TEX44: variants seen among roughly 807,000 people sequenced by gnomAD.
The protein encoded by TEX44 is testis expressed 44.
For synonymous variants in TEX44, 196 were observed against 205.9 expected (o/e 0.95, Z 0.41); for missense variants, 487 against 509.6 (o/e 0.96, Z 0.43).
Position 231,593,266 on chromosome 2 carries a change from T to C in TEX44, c.315T>C (p.Asn105=). The change falls in exon 1 of 1, where the codon AAT becomes AAC. Residue 105 remains asparagine (N), a synonymous_variant. Transcript: ENST00000313965. ...SPLQVSMSLQ[N]PAWDRQVQDA... ...TGCAAGTGTCTATGAGCCTTCAGAATCCAGCGTGGGACAGGCAGGTTCAAG... is the reference window on the plus strand; with the variant it reads ...TGCAAGTGTCTATGAGCCTTCAGAACCCAGCGTGGGACAGGCAGGTTCAAG... The C allele has an allele frequency of 6.2e-7, 1 of 1,614,150 alleles. No homozygotes were observed. Among genetic ancestry groups the C allele is most frequent in the Non-Finnish European group, 8.5e-7 (1 of 1,180,020 alleles).
chr2:231,593,990 G>C lies in TEX44; in HGVS notation c.1039G>C (p.Val347Leu), dbSNP rs372291265. The C allele has an allele frequency of 1.9e-6, 3 of 1,610,732 alleles. No homozygotes were observed. Among genetic ancestry groups the C allele is most frequent in the Non-Finnish European group, 2.5e-6 (3 of 1,179,988 alleles). Residue 347 changes from valine (V) to leucine (L), a missense_variant, in exon 1 of 1, where the codon GTG (valine) becomes CTG (leucine). Physicochemically the swap from Val to Leu is conservative, Grantham distance 32. Coordinates refer to ENST00000313965, the MANE Select transcript of TEX44 (RefSeq NM_152614.3). ...SVSSAFSSGL[V>L]SGTSSALRTI... The stretch of plus-strand genomic sequence containing the variant: ...CAGCTCGGCCTTCTCCTCTGGGCTG[G>C]TGTCAGGGACCAGCTCAGCCCTGCG...
At position 231,593,042 on chromosome 2, in the gene TEX44, ACAG is replaced by A; in HGVS notation, c.95_97del (p.Ala32del). 1 of 1,614,120 alleles carries A rather than the reference ACAG, an allele frequency of 6.2e-7. No homozygotes were observed. Among genetic ancestry groups the A allele is most frequent in the African/African-American group, 1.3e-5 (1 of 75,034 alleles). ...AGAGCCCCAAGGTCAGGTCCCACTC[ACAG>A]CAGATGTCTTGGCAGTGAGCAGCTC... On this transcript the variant is annotated inframe_deletion, in exon 1 of 1. Coordinates refer to ENST00000313965, the MANE Select transcript of TEX44 (RefSeq NM_152614.3).
rs776998727 is a variant in TEX44 at position 231,593,607 on chromosome 2, T to C, written c.656T>C (p.Met219Thr). The stretch of plus-strand genomic sequence containing the variant: ...CCATCTGATGAGTCCCCAGTGGCAA[T>C]GGGGGCAAATGTGGTGGACAGCTTA... ...ALPSDESPVA[M>T]GANVVDSLGD... is the part of the protein sequence containing the mutation. Residue 219 changes from methionine to threonine, a missense_variant, in exon 1 of 1, where the codon ATG (methionine) becomes ACG (threonine). Physicochemically the swap from Met to Thr is moderately conservative, Grantham distance 81 (BLOSUM62 -1). Coordinates refer to ENST00000313965, the MANE Select transcript of TEX44 (RefSeq NM_152614.3). 7 of 1,613,734 alleles carry C rather than the reference T, an allele frequency of 4.3e-6. No homozygotes were observed. Among genetic ancestry groups the C allele is most frequent in the Non-Finnish European group, 5.9e-6 (7 of 1,180,012 alleles).
chr2:231,593,135 A>G lies in TEX44; in HGVS notation c.184A>G (p.Ile62Val). The G allele has an allele frequency of 2.5e-6, 4 of 1,614,152 alleles. No individual in the cohort carries two copies. Among genetic ancestry groups the G allele is most frequent in the Non-Finnish European group, 2.5e-6 (3 of 1,180,024 alleles). Reference sequence around the variant, plus strand: ...CTTCAAGACGGCCACCCCCAGGGCCATATCAACATCTGGAGACAAAGACAA... The same window carrying G: ...CTTCAAGACGGCCACCCCCAGGGCCGTATCAACATCTGGAGACAAAGACAA... ...ASFKTATPRA[I>V]STSGDKDKSA... The change falls in exon 1 of 1, where the codon ATA (isoleucine) becomes GTA (valine). Residue 62 changes from isoleucine to valine, a missense_variant. Ile to Val is a conservative substitution (Grantham distance 29, BLOSUM62 3). Transcript: ENST00000313965.
Position 231,593,666 on chromosome 2 carries a change from C to G in TEX44, c.715C>G (p.Pro239Ala). 1.2e-6 allele frequency: 2 copies of G among 1,613,302 alleles called. No homozygotes were observed. Among genetic ancestry groups the G allele is most frequent in the Non-Finnish European group, 1.7e-6 (2 of 1,180,026 alleles). ...DLQTWFFPPP[P>A]AGSVSPSPGP... Reference sequence around the variant, plus strand: ...GCAGACTTGGTTCTTCCCTCCACCTCCAGCAGGCAGTGTGTCCCCGTCGCC... The same window carrying G: ...GCAGACTTGGTTCTTCCCTCCACCTGCAGCAGGCAGTGTGTCCCCGTCGCC... Residue 239 changes from proline to alanine, a missense_variant, in exon 1 of 1, where the codon CCA becomes GCA. Physicochemically the swap from Pro to Ala is conservative, Grantham distance 27 (BLOSUM62 -1). Coordinates refer to ENST00000313965, the MANE Select transcript of TEX44 (RefSeq NM_152614.3).
chr2:231,592,989 A>C lies in TEX44; in HGVS notation c.38A>C (p.Asp13Ala), dbSNP rs746522297. The C allele has an allele frequency of 1.9e-6, 3 of 1,614,058 alleles. No homozygotes were observed. Among genetic ancestry groups the C allele is most frequent in the Non-Finnish European group, 2.5e-6 (3 of 1,179,994 alleles). ...GGGTACCCCCTGGGCAACGTGGATG[A>C]CAGCAGGTCTAAGGACAGCCCAGCA... Reference protein sequence around the residue: ...LPGYPLGNVDDSRSKDSPAGE... With the variant: ...LPGYPLGNVDASRSKDSPAGE... Residue 13 changes from aspartate (D) to alanine (A), a missense_variant, in exon 1 of 1, where the codon GAC (aspartate) becomes GCC (alanine). Transcript: ENST00000313965.
rs2047778084 is a variant in TEX44, at chr2:231,593,660, C to T, written c.709C>T (p.Pro237Ser). The part of the protein sequence containing the change: ...LGDLQTWFFP[P>S]PPAGSVSPSP... The stretch of plus-strand genomic sequence containing the variant: ...AGACCTGCAGACTTGGTTCTTCCCT[C>T]CACCTCCAGCAGGCAGTGTGTCCCC... Residue 237 changes from proline to serine, a missense_variant, in exon 1 of 1, where the codon CCA (proline) becomes TCA (serine). Coordinates refer to ENST00000313965, the MANE Select transcript of TEX44 (RefSeq NM_152614.3). 1 of 1,613,306 alleles carries T rather than the reference C, an allele frequency of 6.2e-7. No homozygotes were observed. The highest frequency in any genetic ancestry group is 8.5e-7 in the Non-Finnish European group (1 of 1,180,032).
chr2:231,593,739 T>A lies in TEX44; in HGVS notation c.788T>A (p.Leu263Gln). 1 of 1,611,164 alleles carries A rather than the reference T, an allele frequency of 6.2e-7. No homozygotes were observed. The highest frequency in any genetic ancestry group is 1.7e-5 in the Admixed American group (1 of 60,028). ...GGGAGAAGGCCCCTGGACTCCAGCC[T>A]GTACACGGCCAGTGAGGAGAACAGC... ...ALGRRPLDSS[L>Q]YTASEENSYM... Residue 263 changes from leucine to glutamine, a missense_variant, in exon 1 of 1, where the codon CTG becomes CAG. Transcript: ENST00000313965.
At position 231,593,148 on chromosome 2, in the gene TEX44, G is replaced by A; in HGVS notation, c.197G>A (p.Gly66Glu). Residue 66 changes from glycine to glutamate, a missense_variant, in exon 1 of 1, where the codon GGA becomes GAA. Physicochemically the swap from Gly to Glu is moderately conservative, Grantham distance 98. Coordinates refer to ENST00000313965, the MANE Select transcript of TEX44 (RefSeq NM_152614.3). The stretch of plus-strand genomic sequence containing the variant: ...ACCCCCAGGGCCATATCAACATCTG[G>A]AGACAAAGACAAGAGTGCAGTTGTT... ...TATPRAISTS[G>E]DKDKSAVVPE... The A allele has an allele frequency of 6.2e-7, 1 of 1,614,122 alleles. No homozygotes were observed. Among genetic ancestry groups the A allele is most frequent in the Non-Finnish European group, 8.5e-7 (1 of 1,180,018 alleles).
Position 231,593,094 on chromosome 2 carries a change from A to G in TEX44, c.143A>G (p.Asp48Gly), listed in dbSNP as rs764554699. 27 of 1,614,042 alleles carry G rather than the reference A, an allele frequency of 1.7e-5. No individual in the cohort carries two copies. The South Asian group carries it at 2.3e-4, about 14-fold the overall frequency. The part of the protein sequence containing the change: ...SSSVASTDWQ[D>G]IDQASFKTAT... ...TCTGTCGCATCCACTGACTGGCAGG[A>G]TATAGATCAGGCCTCCTTCAAGACG... Residue 48 changes from aspartate (D) to glycine (G), a missense_variant, in exon 1 of 1, where the codon GAT (aspartate) becomes GGT (glycine). By Grantham distance (94) the Asp-to-Gly change is moderately conservative (BLOSUM62 -1). Coordinates refer to ENST00000313965, the MANE Select transcript of TEX44 (RefSeq NM_152614.3).
rs1200469287 is a variant in TEX44, at chr2:231,593,161, G to C, written c.210G>C (p.Lys70Asn). 6.2e-7 allele frequency: 1 copy of C among 1,614,140 alleles called. No homozygotes were observed. The highest frequency in any genetic ancestry group is 8.5e-7 in the Non-Finnish European group (1 of 1,180,026). The change falls in exon 1 of 1, where the codon AAG becomes AAC. Residue 70 changes from lysine (K) to asparagine (N), a missense_variant. Physicochemically the swap from Lys to Asn is moderately conservative, Grantham distance 94. Transcript: ENST00000313965. ...RAISTSGDKDKSAVVPEHGQK... is the reference protein window; with the variant it reads ...RAISTSGDKDNSAVVPEHGQK... ...TATCAACATCTGGAGACAAAGACAA[G>C]AGTGCAGTTGTTCCAGAACACGGCC...
rs267599261 is a variant in TEX44, at chr2:231,593,238, C to T, written c.287C>T (p.Pro96Leu). The T allele has an allele frequency of 1.2e-6, 2 of 1,614,124 alleles. No homozygotes were observed. Among genetic ancestry groups the T allele is most frequent in the South Asian group, 2.2e-5 (2 of 91,080 alleles). ...CTGCTTCCCAGCCAAAATCCAAGTCCCCTGCAAGTGTCTATGAGCCTTCAG... is the reference window on the plus strand; with the variant it reads ...CTGCTTCCCAGCCAAAATCCAAGTCTCCTGCAAGTGTCTATGAGCCTTCAG... ...TPLLPSQNPS[P>L]LQVSMSLQNP... The change falls in exon 1 of 1, where the codon CCC becomes CTC. Residue 96 changes from proline to leucine, a missense_variant. Transcript: ENST00000313965.
chr2:231,592,974 T>C lies in TEX44; in HGVS notation c.23T>C (p.Leu8Pro), dbSNP rs2047771141. The change falls in exon 1 of 1, where the codon CTG (leucine) becomes CCG (proline). Residue 8 changes from leucine (L) to proline (P), a missense_variant. Leu to Pro is a moderately conservative substitution (Grantham distance 98). Coordinates refer to ENST00000313965, the MANE Select transcript of TEX44 (RefSeq NM_152614.3). MALPGYP[L>P]GNVDDSRSKD... ...TACATGGCACTCCCAGGGTACCCCC[T>C]GGGCAACGTGGATGACAGCAGGTCT... The C allele has an allele frequency of 6.2e-7, 1 of 1,613,808 alleles. No individual in the cohort carries two copies. Among genetic ancestry groups the C allele is most frequent in the Non-Finnish European group, 8.5e-7 (1 of 1,179,920 alleles).
rs1318110925 is a variant in TEX44 at position 231,594,256 on chromosome 2, T to C, written c.*117T>C. On this transcript the variant is annotated 3_prime_UTR_variant, in exon 1 of 1. Transcript: ENST00000313965. ...TGGACGGTTCCCCCAGCCCATGCAA[T>C]AAATCACCAGTGAGCATTTATTTCT... The C allele has an allele frequency of 2.4e-6, 2 of 834,078 alleles. No individual in the cohort carries two copies. Among genetic ancestry groups the C allele is most frequent in the African/African-American group, 3.4e-5 (2 of 58,056 alleles). 51.7% of individuals were successfully genotyped at this position (834,078 alleles called of 1,614,324 possible). A position where few individuals can be genotyped will look rare whatever the true frequency, so the allele number is the denominator to read the frequency against.
In TEX44 at chr2:231,593,456, A is replaced by G. The variant is rs773536314; in HGVS notation, c.505A>G (p.Ser169Gly). ...GCACATGGAGGCTCAGCCCGTCGAGAGTGATGCTGACCATGTCACAGCAGG... is the reference window on the plus strand; with the variant it reads ...GCACATGGAGGCTCAGCCCGTCGAGGGTGATGCTGACCATGTCACAGCAGG... ...TQHMEAQPVE[S>G]DADHVTAGAN... The change falls in exon 1 of 1, where the codon AGT (serine) becomes GGT (glycine). Residue 169 changes from serine to glycine, a missense_variant. Transcript: ENST00000313965. 2.5e-6 allele frequency: 4 copies of G among 1,614,074 alleles called. No individual in the cohort carries two copies. The highest frequency in any genetic ancestry group is 3.4e-6 in the Non-Finnish European group (4 of 1,180,046).
rs1211194348 is a variant in TEX44 at position 231,593,126 on chromosome 2, C to G, written c.175C>G (p.Pro59Ala). 2 of 1,614,002 alleles carry G rather than the reference C, an allele frequency of 1.2e-6. No individual in the cohort carries two copies. Among genetic ancestry groups the G allele is most frequent in the African/African-American group, 2.7e-5 (2 of 74,916 alleles). ...IDQASFKTAT[P>A]RAISTSGDKD... ...TCAGGCCTCCTTCAAGACGGCCACC[C>G]CCAGGGCCATATCAACATCTGGAGA... is the stretch of plus-strand genomic sequence containing the variant. The change falls in exon 1 of 1, where the codon CCC (proline) becomes GCC (alanine). Residue 59 changes from proline to alanine, a missense_variant. Pro to Ala is a conservative substitution (Grantham distance 27). Coordinates refer to ENST00000313965, the MANE Select transcript of TEX44 (RefSeq NM_152614.3).
Position 231,593,621 on chromosome 2 carries a change from G to T in TEX44, c.670G>T (p.Val224Leu). Residue 224 changes from valine (V) to leucine (L), a missense_variant, in exon 1 of 1, where the codon GTG becomes TTG. Val to Leu is a conservative substitution (Grantham distance 32). Transcript: ENST00000313965. ...ESPVAMGANV[V>L]DSLGDLQTWF... ...CCCAGTGGCAATGGGGGCAAATGTGGTGGACAGCTTAGGAGACCTGCAGAC... is the reference window on the plus strand; with the variant it reads ...CCCAGTGGCAATGGGGGCAAATGTGTTGGACAGCTTAGGAGACCTGCAGAC... 6.2e-7 allele frequency: 1 copy of T among 1,613,884 alleles called. No homozygotes were observed. Among genetic ancestry groups the T allele is most frequent in the Non-Finnish European group, 8.5e-7 (1 of 1,180,030 alleles).
At chr2:231,593,363 G>GC in the TEX44 span, 19 of 1,614,142 alleles carry the variant, frequency 1.2e-5, no homozygotes, top group East Asian at 4.2e-4. Flanking sequence ...GTCACAAATG[G>GC]CGAGTGTTCC....
In TEX44 at chr2:231,593,738, C is replaced by A. The variant is rs1379101314; in HGVS notation, c.787C>A (p.Leu263Met). 6.2e-7 allele frequency: 1 copy of A among 1,611,056 alleles called. No homozygotes were observed. Among genetic ancestry groups the A allele is most frequent in the African/African-American group, 1.3e-5 (1 of 74,956 alleles). The part of the protein sequence containing the change: ...ALGRRPLDSS[L>M]YTASEENSYM... ...GGGGAGAAGGCCCCTGGACTCCAGC[C>A]TGTACACGGCCAGTGAGGAGAACAG... Residue 263 changes from leucine (L) to methionine (M), a missense_variant, in exon 1 of 1, where the codon CTG becomes ATG. Transcript: ENST00000313965.
Sources: allele counts gnomAD v4.1 joint callset, GRCh38; gene constraint gnomAD v4.1.1; transcripts MANE v1.5; gene names NCBI Gene and HGNC (gene_info 2026-07-23, HGNC 2026-07-21).